DCBLD2: variants seen among roughly 807,000 people sequenced by gnomAD.
DCBLD2 encodes discoidin, CUB and LCCL domain containing 2.
DCBLD2 carries 54 observed loss-of-function variants against 86.8 expected under a neutral mutation model. The ratio of observed to expected loss-of-function variants is 0.62; its 90% confidence interval spans 0.50 to 0.78. The LOEUF (loss-of-function observed/expected upper bound fraction) is 0.78, where lower values mean the gene tolerates loss of function less well. Among genes scored for constraint, DCBLD2 ranks in the 30% least tolerant of loss-of-function variants. DCBLD2 has a pLI of 0.00. For missense variants in DCBLD2, 908 were observed against 954.2 expected (o/e 0.95, Z 0.64); for synonymous variants, 354 against 341.3 (o/e 1.04, Z -0.41).
chr3:98,866,638 T>A (rs1943151488), intron 2 of DCBLD2, among the ~76,000 whole-genome samples: 1 of 152,240 alleles, frequency 6.6e-6, no homozygotes, highest in African/African-American at 2.4e-5. Context: ...TGCAAAAATT[T>A]TCTCCCATTC....
chr3:98,830,682 C>CT (rs1942304556), intron 3 of DCBLD2, among the ~76,000 whole-genome samples: 1 of 152,134 alleles, frequency 6.6e-6, no homozygotes, highest in Admixed American at 6.5e-5. Flanking sequence ...ACTCCTGCAG[C>CT]TTTTTTCTTT....
In DCBLD2 at chr3:98,901,276, T is replaced by G; in HGVS notation, c.51A>C (p.Gln17His). Residue 17 changes from glutamine to histidine, a missense_variant, in exon 1 of 16, where the codon CAA becomes CAC. Around this residue, in one of 3 missense-constraint regions of DCBLD2, gnomAD observed 294 missense variants for 256.0 expected, o/e 1.15. Coordinates refer to ENST00000326840, the MANE Select transcript of DCBLD2 (RefSeq NM_080927.4). Reference protein sequence around the residue: ...VRARRCPQCPQVRAAAAAPAW... With the variant: ...VRARRCPQCPHVRAAAAAPAW... ...CGGGGGCGGCGGCCGCGGCCCGGACTTGGGGACACTGCGGGCAGCGCCTGG... is the reference window on the plus strand; with the variant it reads ...CGGGGGCGGCGGCCGCGGCCCGGACGTGGGGACACTGCGGGCAGCGCCTGG... 6.5e-7 allele frequency: 1 copy of G among 1,527,490 alleles called. No homozygotes were observed. The highest frequency in any genetic ancestry group is 1.4e-5 in the African/African-American group (1 of 72,570). The allele number at this position is 1,527,490 out of a possible 1,614,324, so 94.6% of individuals were successfully genotyped here. A position where few individuals can be genotyped will look rare whatever the true frequency, so the allele number is the denominator to read the frequency against.
intron 1 of DCBLD2, 39 bp downstream of exon 1, chr3:98,901,083 G>A: frequency 3.3e-6 from 5 of 1,537,130 alleles, no homozygotes; most frequent in East Asian, 2.4e-5. Flanking sequence ...CAGCCCCGAC[G>A]GAGGTTCCCC....
chr3:98,855,138 T>C (rs1364886744), intron 2 of DCBLD2, among the ~76,000 whole-genome samples: 5 of 151,876 alleles, frequency 3.3e-5, no homozygotes, highest in African/African-American at 9.7e-5. Flanking sequence ...CTCCAACAAA[T>C]GAATAAGAAA....
chr3:98,834,970 C>CT (rs778620627), intron 3 of DCBLD2, among the ~76,000 whole-genome samples: 39,779 of 130,802 alleles, frequency 0.3, 3,150 homozygotes, highest in Non-Finnish European at 0.34. Context: ...CTTGCACATT[C>CT]TTTTTTTTTT....
At position 98,822,744 on chromosome 3, in the gene DCBLD2, G is replaced by A. The variant is rs1942146577; in HGVS notation, c.624-3C>T. On this transcript the variant is annotated splice_polypyrimidine_tract_variant and splice_region_variant and intron_variant, in intron 4 of 15. Coordinates refer to ENST00000326840, the MANE Select transcript of DCBLD2 (RefSeq NM_080927.4). ...GACAACCAGCTGGGCAGTACTTACT[G>A]AGAAATGAAAACAAGCAAAAGGTTA... 1 of 1,584,444 alleles carries A rather than the reference G, an allele frequency of 6.3e-7. No individual in the cohort carries two copies. Among genetic ancestry groups the A allele is most frequent in the South Asian group, 1.2e-5 (1 of 85,384 alleles).
intron 2 of DCBLD2, among the ~76,000 whole-genome samples, chr3:98,850,834 T>C (rs1443816779): frequency 6.6e-6 from 1 of 152,220 alleles, no homozygotes; most frequent in African/African-American, 2.4e-5. Flanking sequence ...CATTTCCATA[T>C]ATGCTAGTGC....
intron 3 of DCBLD2, among the ~76,000 whole-genome samples, chr3:98,828,092 A>C (rs1576166643): frequency 6.6e-6 from 1 of 152,346 alleles, no homozygotes; most frequent in South Asian, 2.1e-4. Flanking sequence ...TAAACTCAAG[A>C]GCTGAAACTA....
chr3:98,803,615 C>T (rs1444598391), intron 13 of DCBLD2, among the ~76,000 whole-genome samples: 1 of 152,218 alleles, frequency 6.6e-6, no homozygotes, highest in African/African-American at 2.4e-5. Flanking sequence ...GCATCCCTGT[C>T]TTGTGCCAGT....
At chr3:98,888,264 A>G (rs981481778) in intron 1 of DCBLD2, among the ~76,000 whole-genome samples, 8 of 151,956 alleles carry the variant, frequency 5.3e-5, no homozygotes, top group African/African-American at 1.9e-4. Flanking sequence ...CCCCAGCTTC[A>G]TTCTTTTTAA....
intron 2 of DCBLD2, among the ~76,000 whole-genome samples, chr3:98,863,339 T>C (rs1254767145): frequency 2.6e-5 from 4 of 152,162 alleles, no homozygotes. Flanking sequence ...CCAATGACTT[T>C]CTTCACAGAA....
At chr3:98,808,788 A>C (rs1454096998) in intron 12 of DCBLD2, among the ~76,000 whole-genome samples, 1 of 152,168 alleles carries the variant, frequency 6.6e-6, no homozygotes, top group Non-Finnish European at 1.5e-5. Flanking sequence ...ACTGATTGGC[A>C]TTTTTGGGCA....
chr3:98,834,028 GATTTTCCAGC>G (rs1942373359), intron 3 of DCBLD2, among the ~76,000 whole-genome samples: 1 of 152,116 alleles, frequency 6.6e-6, no homozygotes, highest in Non-Finnish European at 1.5e-5. Flanking sequence ...AGTCACCTCG[GATTTTCCAGC>G]ACCACTTCCC....
At chr3:98,801,508 G>A in intron 14 of DCBLD2, 92 bp downstream of exon 14, 2 of 985,280 alleles carry the variant, frequency 2.0e-6, no homozygotes, top group African/African-American at 1.6e-5. Context: ...GAGTTCACCT[G>A]GGCCAGAGAA....
At chr3:98,823,154 T>A (rs1277126846) in intron 4 of DCBLD2, among the ~76,000 whole-genome samples, 1 of 152,202 alleles carries the variant, frequency 6.6e-6, no homozygotes, top group Non-Finnish European at 1.5e-5. Flanking sequence ...ATTTCAGGTG[T>A]GAATGACTGT....
chr3:98,811,224 T>A lies in DCBLD2; in HGVS notation c.1546A>T (p.Asn516Tyr). 6.2e-7 allele frequency: 1 copy of A among 1,611,420 alleles called. No individual in the cohort carries two copies. Among genetic ancestry groups the A allele is most frequent in the Non-Finnish European group, 8.5e-7 (1 of 1,179,052 alleles). Reference sequence around the variant, plus strand: ...GTTACATTTGGAGTTACGGTAGTATTTCTGATATCAGGACTGGCAGTTGTT... The same window carrying A: ...GTTACATTTGGAGTTACGGTAGTATATCTGATATCAGGACTGGCAGTTGTT... Reference protein sequence around the residue: ...EQTTASPDIRNTTVTPNVTKD... With the variant: ...EQTTASPDIRYTTVTPNVTKD... Residue 516 changes from asparagine (N) to tyrosine (Y), a missense_variant, in exon 12 of 16, where the codon AAT becomes TAT. Asn to Tyr is a moderately radical substitution (Grantham distance 143). Coordinates refer to ENST00000326840, the MANE Select transcript of DCBLD2 (RefSeq NM_080927.4).
At chr3:98,896,406 T>C (rs1164460991) in intron 1 of DCBLD2, among the ~76,000 whole-genome samples, 1 of 152,224 alleles carries the variant, frequency 6.6e-6, no homozygotes, top group Non-Finnish European at 1.5e-5. Context: ...CAATAACAGC[T>C]CTGAACAATA....
At chr3:98,826,259 T>G (rs1942218894) in intron 3 of DCBLD2, among the ~76,000 whole-genome samples, 1 of 152,060 alleles carries the variant, frequency 6.6e-6, no homozygotes, top group Admixed American at 6.6e-5. Flanking sequence ...GCCTACAGAG[T>G]CTTGAAGTGC....
intron 1 of DCBLD2, among the ~76,000 whole-genome samples, chr3:98,882,904 T>C (rs1943497279): frequency 6.6e-6 from 1 of 152,194 alleles, no homozygotes; most frequent in Non-Finnish European, 1.5e-5. Flanking sequence ...GTTTTTATAG[T>C]AGCATGATTT....
Sources: gnomAD v4.1 joint callset for allele counts (sites outside exome capture counted in the v4.1 genomes callset) on GRCh38, gnomAD v4.1.1 for gene constraint, gnomAD v4.1.1 regional missense constraint, MANE v1.5 for transcripts, NCBI Gene and HGNC (gene_info 2026-07-23, HGNC 2026-07-21) for gene names.